The following ENTREP2 variants were observed in gnomAD, a reference collection of about 807,000 sequenced individuals.
ENTREP2 encodes protein ENTREP2.
chr15:29,506,051 T>C, the ENTREP2 span, among the ~76,000 whole-genome samples: 5 of 152,038 alleles, frequency 3.3e-5, no homozygotes, highest in Admixed American at 6.6e-5. Flanking sequence ...AATAGCCAGC[T>C]TAGAGAAGAA....
the ENTREP2 span, among the ~76,000 whole-genome samples, chr15:29,422,204 A>G: frequency 8.5e-5 from 13 of 152,110 alleles, no homozygotes; most frequent in Non-Finnish European, 1.3e-4. Flanking sequence ...CAGGAAGCAG[A>G]GGTTGCAGTG....
chr15:29,137,102 GA>G, the ENTREP2 span: 1 of 1,467,532 alleles, frequency 6.8e-7, no homozygotes, highest in Non-Finnish European at 9.0e-7. Context: ...GGAGTGGGGG[GA>G]TGAACTCGTC....
the ENTREP2 span, among the ~76,000 whole-genome samples, chr15:29,391,175 T>C: frequency 1.3e-5 from 2 of 152,014 alleles, no homozygotes; most frequent in Non-Finnish European, 2.9e-5. Context: ...ACCATCTGTC[T>C]CTACCTTTGA....
At chr15:29,219,541 C>T in the ENTREP2 span, among the ~76,000 whole-genome samples, 572 of 139,704 alleles carry the variant, frequency 4.1e-3, 2 homozygotes, top group African/African-American at 0.014. Context: ...CAGCACAGTT[C>T]GCAATTGCAA....
chr15:29,392,443 G>A, the ENTREP2 span, among the ~76,000 whole-genome samples: 11 of 143,200 alleles, frequency 7.7e-5, no homozygotes, highest in Admixed American at 2.3e-4. Context: ...AGCTTACTTC[G>A]TTCGCCTTGA....
the ENTREP2 span, among the ~76,000 whole-genome samples, chr15:29,337,380 G>A: frequency 1.3e-5 from 2 of 152,184 alleles, no homozygotes; most frequent in Non-Finnish European, 2.9e-5. Flanking sequence ...AGCTGGGAGG[G>A]AAGCGGAGTC....
At chr15:29,374,662 C>G in the ENTREP2 span, 7 of 151,800 alleles carry the variant, frequency 4.6e-5, no homozygotes, top group African/African-American at 1.5e-4. Context: ...ACTATTTCTT[C>G]AAGTATTTTT....
the ENTREP2 span, among the ~76,000 whole-genome samples, chr15:29,596,736 C>T: frequency 6.6e-6 from 1 of 151,942 alleles, no homozygotes; most frequent in Admixed American, 6.6e-5. Flanking sequence ...GGTATGATCT[C>T]AGCTCACTGC....
At chr15:29,285,374 C>T in the ENTREP2 span, among the ~76,000 whole-genome samples, 1 of 152,154 alleles carries the variant, frequency 6.6e-6, no homozygotes. Context: ...TGTGCTCTCT[C>T]AGAAGTATGA....
At chr15:29,277,310 T>TTA in the ENTREP2 span, among the ~76,000 whole-genome samples, 1 of 151,886 alleles carries the variant, frequency 6.6e-6, no homozygotes, top group East Asian at 1.9e-4. Flanking sequence ...TCACTGCACT[T>TTA]TAGCCTGGGC....
the ENTREP2 span, among the ~76,000 whole-genome samples, chr15:29,134,920 G>GCAGCTGGC: frequency 6.6e-6 from 1 of 152,134 alleles, no homozygotes; most frequent in Admixed American, 6.5e-5. Context: ...CAGACAGCGA[G>GCAGCTGGC]CAGCTGGCCA....
the ENTREP2 span, among the ~76,000 whole-genome samples, chr15:29,262,815 T>C: frequency 6.6e-6 from 1 of 152,212 alleles, no homozygotes; most frequent in Admixed American, 6.5e-5. Flanking sequence ...GTCCTGAGAG[T>C]GGGCAGTCTT....
the ENTREP2 span, among the ~76,000 whole-genome samples, chr15:29,272,567 G>A: frequency 3.3e-5 from 5 of 152,242 alleles, no homozygotes; most frequent in African/African-American, 4.8e-5. Flanking sequence ...TGCAGTCTGC[G>A]GGGCGGCCAT....
the ENTREP2 span, chr15:29,614,094 CG>C: frequency 6.5e-6 from 1 of 153,008 alleles, no homozygotes; most frequent in East Asian, 1.9e-4. Context: ...CACAAGATGG[CG>C]GTCACGTTCG....
At chr15:29,424,780 A>G in the ENTREP2 span, among the ~76,000 whole-genome samples, 3 of 152,128 alleles carry the variant, frequency 2.0e-5, no homozygotes, top group Non-Finnish European at 4.4e-5. Flanking sequence ...AGTCTTTCTG[A>G]AAGTTGTCTT....
At chr15:29,509,257 C>T in the ENTREP2 span, among the ~76,000 whole-genome samples, 5 of 152,100 alleles carry the variant, frequency 3.3e-5, no homozygotes, top group Non-Finnish European at 7.4e-5. Flanking sequence ...AGAGAGGACA[C>T]AAACAAATAG....
chr15:29,660,480 T>G, the ENTREP2 span, among the ~76,000 whole-genome samples: 1 of 151,994 alleles, frequency 6.6e-6, no homozygotes. Context: ...AATTTTTTTT[T>G]CTTTATAAAT....
At chr15:29,201,085 T>G in the ENTREP2 span, among the ~76,000 whole-genome samples, 1 of 152,224 alleles carries the variant, frequency 6.6e-6, no homozygotes, top group Non-Finnish European at 1.5e-5. Context: ...GAAATACAAT[T>G]GAATTTTGTA....
the ENTREP2 span, among the ~76,000 whole-genome samples, chr15:29,285,145 C>T: frequency 1.3e-5 from 2 of 152,170 alleles, no homozygotes; most frequent in Non-Finnish European, 2.9e-5. Context: ...ATCCACTGCT[C>T]CCTGACGCTG....
Sources: allele counts gnomAD v4.1 joint callset (sites outside exome capture counted in the v4.1 genomes callset), GRCh38; gene constraint gnomAD v4.1.1; transcripts MANE v1.5; gene names NCBI Gene and HGNC (gene_info 2026-07-23, HGNC 2026-07-21).